Variants in PABPC5 observed in about 807,000 individuals in gnomAD.
PABPC5 encodes the protein poly(A) binding protein cytoplasmic 5.
Under a neutral mutation model 12.6 loss-of-function variants are expected in PABPC5, and 6 were observed. The observed-to-expected ratio is 0.48, with a 90% CI of 0.26 to 0.94. The LOEUF (loss-of-function observed/expected upper bound fraction) is 0.94, where lower values mean the gene tolerates loss of function less well. Ranked by LOEUF, PABPC5 falls within the 40% of genes least tolerant of loss-of-function variation. The probability of loss-of-function intolerance (pLI) is 0.14; values close to 1 mark genes in which losing one functional copy is unlikely to be tolerated. For missense variants in PABPC5, 244 were observed against 302.8 expected, an observed-to-expected ratio of 0.81 and a Z score of 1.44; for synonymous variants, 124 against 118.4, an observed-to-expected ratio of 1.05 and a Z score of -0.31.
chrX:91,436,839 C>T lies in PABPC5; in HGVS notation c.*113C>T. On this transcript the variant is annotated 3_prime_UTR_variant, in exon 2 of 2. Coordinates refer to ENST00000312600, the MANE Select transcript of PABPC5 (RefSeq NM_080832.3). Reference sequence around the variant, plus strand: ...CACAAGTTTTTTTTTGAAGTGAATTCTTTTGAAAAAAAAATGCAAAACTAG... The same window carrying T: ...CACAAGTTTTTTTTTGAAGTGAATTTTTTTGAAAAAAAAATGCAAAACTAG... 1.5e-6 allele frequency: 1 copy of T among 660,785 alleles called. No individual in the cohort carries two copies. The highest frequency in any genetic ancestry group is 4.7e-5 in the Admixed American group (1 of 21,229). The allele number at this position is 660,785 out of a possible 1,213,427, so 54.5% of individuals were successfully genotyped here. A position where few individuals can be genotyped will look rare whatever the true frequency, so the allele number is the denominator to read the frequency against.
rs751021259 is a variant in PABPC5, at chrX:91,435,748, C to A, written c.171C>A (p.Ser57Arg). The change falls in exon 2 of 2, where the codon AGC (serine) becomes AGA (arginine). Residue 57 changes from serine (S) to arginine (R), a missense_variant. Ser to Arg is a moderately radical substitution (Grantham distance 110). Coordinates refer to ENST00000312600, the MANE Select transcript of PABPC5 (RefSeq NM_080832.3). The part of the protein sequence containing the change: ...TRICRDPVTR[S>R]PLGYGYVNFR... ...TCTGCCGTGATCCGGTGACCCGCAG[C>A]CCCCTGGGCTATGGGTATGTTAACT... 3.3e-6 allele frequency: 4 copies of A among 1,209,541 alleles called. No individual in the cohort carries two copies. The Admixed American group carries it at 6.6e-5, about 20-fold the overall frequency.
At position 91,436,857 on chromosome X, in the gene PABPC5, A is replaced by G; in HGVS notation, c.*131A>G. The G allele has an allele frequency of 1.8e-6, 1 of 554,923 alleles. No homozygotes were observed. The highest frequency in any genetic ancestry group is 3.8e-5 in the East Asian group (1 of 26,656). 45.7% of individuals were successfully genotyped at this position (554,923 alleles called of 1,213,427 possible). On this transcript the variant is annotated 3_prime_UTR_variant, in exon 2 of 2. Coordinates refer to ENST00000312600, the MANE Select transcript of PABPC5 (RefSeq NM_080832.3). ...GTGAATTCTTTTGAAAAAAAAATGCAAAACTAGAAAACTTTATTCATTTTA... is the reference window on the plus strand; with the variant it reads ...GTGAATTCTTTTGAAAAAAAAATGCGAAACTAGAAAACTTTATTCATTTTA...
intron 1 of PABPC5, among the ~76,000 whole-genome samples, chrX:91,435,168 C>T (rs1040427696): frequency 2.7e-5 from 3 of 111,644 alleles, no homozygotes; most frequent in Non-Finnish European, 5.6e-5. Flanking sequence ...AGCTCTAGGC[C>T]TATATTTATG....
rs1174666620 is a variant in PABPC5, at chrX:91,437,048, TA to T, written c.*323del. 4 of 209,341 alleles carry T rather than the reference TA, an allele frequency of 1.9e-5. No individual in the cohort carries two copies. Among genetic ancestry groups the T allele is most frequent in the Non-Finnish European group, 3.6e-5 (4 of 110,341 alleles). 17.3% of individuals were successfully genotyped at this position (209,341 alleles called of 1,213,427 possible). ...TTCCCTTCTTATTTCAGTAATACTC[TA>T]TTTTTTTTCATGAAAATGTCAACAT... On this transcript the variant is annotated 3_prime_UTR_variant, in exon 2 of 2. Coordinates refer to ENST00000312600, the MANE Select transcript of PABPC5 (RefSeq NM_080832.3).
Position 91,436,444 on chromosome X carries a change from ACGGCTGAGGTTAAAAGAAAAAAGT to A in PABPC5, c.872_895del (p.Leu291_Arg298del). 2.5e-6 allele frequency: 3 copies of A among 1,211,712 alleles called. No homozygotes were observed. The highest frequency in any genetic ancestry group is 1.1e-6 in the Non-Finnish European group (1 of 895,521). On this transcript the variant is annotated inframe_deletion, in exon 2 of 2. Coordinates refer to ENST00000312600, the MANE Select transcript of PABPC5 (RefSeq NM_080832.3). ...TGGCTGAGTTGAGGCGGAGATTTGA[ACGGCTGAGGTTAAAAGAAAAAAGT>A]CGGCCCCCAGGGGTGCCTATCTATA...
chrX:91,436,123 C>G lies in PABPC5; in HGVS notation c.546C>G (p.Phe182Leu). The change falls in exon 2 of 2, where the codon TTC becomes TTG. Residue 182 changes from phenylalanine to leucine, a missense_variant. Physicochemically the swap from Phe to Leu is conservative, Grantham distance 22. Coordinates refer to ENST00000312600, the MANE Select transcript of PABPC5 (RefSeq NM_080832.3). ...AGGTGTATGTTGGCAGATTCAAATTCCCAGAAGAGCGGGCGGCTGAGGTCA... is the reference window on the plus strand; with the variant it reads ...AGGTGTATGTTGGCAGATTCAAATTGCCAGAAGAGCGGGCGGCTGAGGTCA... ...NRQVYVGRFK[F>L]PEERAAEVRT... 1 of 1,211,488 alleles carries G rather than the reference C, an allele frequency of 8.3e-7. No individual in the cohort carries two copies. Among genetic ancestry groups the G allele is most frequent in the Non-Finnish European group, 1.1e-6 (1 of 895,486 alleles).
At position 91,436,566 on chromosome X, in the gene PABPC5, G is replaced by T; in HGVS notation, c.989G>T (p.Arg330Leu). The change falls in exon 2 of 2, where the codon CGG (arginine) becomes CTG (leucine). Residue 330 changes from arginine (R) to leucine (L), a missense_variant. Coordinates refer to ENST00000312600, the MANE Select transcript of PABPC5 (RefSeq NM_080832.3). ...EEFSSFGSIS[R>L]AKVMMEVGQG... is the part of the protein sequence containing the mutation. Reference sequence around the variant, plus strand: ...TTTTCTTCCTTTGGGTCAATTAGTCGGGCCAAAGTGATGATGGAAGTGGGG... The same window carrying T: ...TTTTCTTCCTTTGGGTCAATTAGTCTGGCCAAAGTGATGATGGAAGTGGGG... 2 of 1,211,712 alleles carry T rather than the reference G, an allele frequency of 1.7e-6. No homozygotes were observed. Among genetic ancestry groups the T allele is most frequent in the Non-Finnish European group, 2.2e-6 (2 of 895,487 alleles).
Position 91,437,969 on chromosome X carries a change from T to A in PABPC5, c.*1243T>A, listed in dbSNP as rs1244956385. ...TGTTCTCCTCATTGCCTGCCTTCCA[T>A]TCATATTACACTTATTTTTCTATTT... is the stretch of plus-strand genomic sequence containing the variant. On this transcript the variant is annotated 3_prime_UTR_variant, in exon 2 of 2. Transcript: ENST00000312600. 1 of 123,108 alleles carries A rather than the reference T, an allele frequency of 8.1e-6. No homozygotes were observed. 10.1% of individuals were successfully genotyped at this position (123,108 alleles called of 1,213,427 possible).
chrX:91,436,999 G>A lies in PABPC5; in HGVS notation c.*273G>A, dbSNP rs190761564. The stretch of plus-strand genomic sequence containing the variant: ...CCACTTTTTTTTCCTGAACAGTCAA[G>A]GTGAGGCAATTGATTGAGTATATTT... On this transcript the variant is annotated 3_prime_UTR_variant, in exon 2 of 2. Transcript: ENST00000312600. 6.7e-4 allele frequency: 202 copies of A among 302,231 alleles called. No individual in the cohort carries two copies. The highest frequency in any genetic ancestry group is 5.3e-3 in the African/African-American group (192 of 35,897). 24.9% of individuals were successfully genotyped at this position (302,231 alleles called of 1,213,427 possible).
rs1008589667 is a variant in PABPC5 at position 91,438,261 on chromosome X, T to C, written c.*1535T>C. On this transcript the variant is annotated 3_prime_UTR_variant, in exon 2 of 2. Transcript: ENST00000312600. ...ACCATAAAATAATGACAATAAGCTG[T>C]TTCTATGTATTTGTTTATCTACAAA... 4 of 122,687 alleles carry C rather than the reference T, an allele frequency of 3.3e-5. No individual in the cohort carries two copies. The Admixed American group carries it at 3.8e-4, about 12-fold the overall frequency. The allele number at this position is 122,687 out of a possible 1,213,427, so 10.1% of individuals were successfully genotyped here. A position where few individuals can be genotyped will look rare whatever the true frequency, so the allele number is the denominator to read the frequency against.
In PABPC5 at chrX:91,436,208, G is replaced by A; in HGVS notation, c.631G>A (p.Asp211Asn). 8.3e-7 allele frequency: 1 copy of A among 1,211,684 alleles called. No individual in the cohort carries two copies. The highest frequency in any genetic ancestry group is 1.1e-6 in the Non-Finnish European group (1 of 895,566). Residue 211 changes from aspartate (D) to asparagine (N), a missense_variant, in exon 2 of 2, where the codon GAT becomes AAT. Physicochemically the swap from Asp to Asn is conservative, Grantham distance 23 (BLOSUM62 1). Transcript: ENST00000312600. ...VFVKNIGDDIDDEKLKELFCE... is the reference protein window; with the variant it reads ...VFVKNIGDDINDEKLKELFCE... ...CGTTAAAAACATTGGAGACGACATA[G>A]ATGACGAAAAACTGAAGGAACTTTT...
Position 91,436,264 on chromosome X carries a change from A to C in PABPC5, c.687A>C (p.Lys229Asn). ...AATATGGGCCAACTGAGAGTGTTAA[A>C]GTAATAAGAGATGCCAGTGGGAAAT... The part of the protein sequence containing the change: ...FCEYGPTESV[K>N]VIRDASGKSK... The change falls in exon 2 of 2, where the codon AAA (lysine) becomes AAC (asparagine). Residue 229 changes from lysine to asparagine, a missense_variant. Coordinates refer to ENST00000312600, the MANE Select transcript of PABPC5 (RefSeq NM_080832.3). The C allele has an allele frequency of 1.7e-6, 2 of 1,211,752 alleles. No homozygotes were observed. Among genetic ancestry groups the C allele is most frequent in the Non-Finnish European group, 2.2e-6 (2 of 895,468 alleles).
Position 91,437,073 on chromosome X carries a change from A to C in PABPC5, c.*347A>C. ...TATTTTTTTTCATGAAAATGTCAAC[A>C]TGGTTCTTCTGAATCTATCACAGTG... On this transcript the variant is annotated 3_prime_UTR_variant, in exon 2 of 2. Transcript: ENST00000312600. 1 of 178,354 alleles carries C rather than the reference A, an allele frequency of 5.6e-6. No individual in the cohort carries two copies. The allele number at this position is 178,354 out of a possible 1,213,427, so 14.7% of individuals were successfully genotyped here. A position where few individuals can be genotyped will look rare whatever the true frequency, so the allele number is the denominator to read the frequency against.
At position 91,437,571 on chromosome X, in the gene PABPC5, T is replaced by C. The variant is rs1276451271; in HGVS notation, c.*845T>C. The C allele has an allele frequency of 8.1e-6, 1 of 123,558 alleles. No individual in the cohort carries two copies. The highest frequency in any genetic ancestry group is 1.9e-5 in the Non-Finnish European group (1 of 53,233). The allele number at this position is 123,558 out of a possible 1,213,427, so 10.2% of individuals were successfully genotyped here. On this transcript the variant is annotated 3_prime_UTR_variant, in exon 2 of 2. Coordinates refer to ENST00000312600, the MANE Select transcript of PABPC5 (RefSeq NM_080832.3). ...AGATGAATAACTGCGCTGAATTGCC[T>C]TTACCTATAAATAATTTAATATTTT...
At position 91,435,822 on chromosome X, in the gene PABPC5, A is replaced by T; in HGVS notation, c.245A>T (p.Asp82Val). ...TGGGCCTTGAACACCATGAATTTTG[A>T]TTTGATTAATGGAAAACCATTCCGC... Reference protein sequence around the residue: ...AEWALNTMNFDLINGKPFRLM... With the variant: ...AEWALNTMNFVLINGKPFRLM... The change falls in exon 2 of 2, where the codon GAT becomes GTT. Residue 82 changes from aspartate (D) to valine (V), a missense_variant. Asp to Val is a radical substitution (Grantham distance 152). Coordinates refer to ENST00000312600, the MANE Select transcript of PABPC5 (RefSeq NM_080832.3). 1 of 1,211,485 alleles carries T rather than the reference A, an allele frequency of 8.3e-7. No homozygotes were observed.
In PABPC5 at chrX:91,436,420, G is replaced by C. The variant is rs1436011411; in HGVS notation, c.843G>C (p.Leu281=). The C allele has an allele frequency of 2.5e-6, 3 of 1,209,915 alleles. No homozygotes were observed. Among genetic ancestry groups the C allele is most frequent in the African/African-American group, 1.8e-5 (1 of 57,075 alleles). The change falls in exon 2 of 2, where the codon CTG becomes CTC. Residue 281 remains leucine (L), a synonymous_variant. Transcript: ENST00000312600. ...GAGCACAGAAGAAAATTGAACGCCT[G>C]GCTGAGTTGAGGCGGAGATTTGAAC... ...VGRAQKKIER[L]AELRRRFERL...
Position 91,435,906 on chromosome X carries a change from T to C in PABPC5, c.329T>C (p.Ile110Thr). 8.3e-7 allele frequency: 1 copy of C among 1,211,585 alleles called. No individual in the cohort carries two copies. Among genetic ancestry groups the C allele is most frequent in the Non-Finnish European group, 1.1e-6 (1 of 895,138 alleles). The change falls in exon 2 of 2, where the codon ATC (isoleucine) becomes ACC (threonine). Residue 110 changes from isoleucine to threonine, a missense_variant. By Grantham distance (89) the Ile-to-Thr change is moderately conservative. Coordinates refer to ENST00000312600, the MANE Select transcript of PABPC5 (RefSeq NM_080832.3). ...LRKSGVGNIF[I>T]KNLDKSIDNR... The stretch of plus-strand genomic sequence containing the variant: ...AAGTCTGGAGTGGGAAATATATTCA[T>C]CAAAAACCTGGACAAATCCATAGAC...
chrX:91,436,137 C>A lies in PABPC5; in HGVS notation c.560C>A (p.Ala187Glu), dbSNP rs779221642. The change falls in exon 2 of 2, where the codon GCG becomes GAG. Residue 187 changes from alanine to glutamate, a missense_variant. Ala to Glu is a moderately radical substitution (Grantham distance 107). Transcript: ENST00000312600. Reference sequence around the variant, plus strand: ...AGATTCAAATTCCCAGAAGAGCGGGCGGCTGAGGTCAGAACCAGGGATAGA... The same window carrying A: ...AGATTCAAATTCCCAGAAGAGCGGGAGGCTGAGGTCAGAACCAGGGATAGA... ...VGRFKFPEER[A>E]AEVRTRDRAT... 5.8e-6 allele frequency: 7 copies of A among 1,209,520 alleles called. No individual in the cohort carries two copies. The highest frequency in any genetic ancestry group is 6.7e-6 in the Non-Finnish European group (6 of 895,118).
rs1472267730 is a variant in PABPC5 at position 91,436,447 on chromosome X, G to A, written c.870G>A (p.Arg290=). 1.9e-5 allele frequency: 23 copies of A among 1,209,990 alleles called. No individual in the cohort carries two copies. Among genetic ancestry groups the A allele is most frequent in the Non-Finnish European group, 2.5e-5 (22 of 895,291 alleles). The part of the protein sequence containing the change: ...RLAELRRRFE[R]LRLKEKSRPP... ...CTGAGTTGAGGCGGAGATTTGAACG[G>A]CTGAGGTTAAAAGAAAAAAGTCGGC... Residue 290 remains arginine (R), a synonymous_variant, in exon 2 of 2, where the codon CGG becomes CGA. Transcript: ENST00000312600.
Sources: allele counts gnomAD v4.1 joint callset (sites outside exome capture counted in the v4.1 genomes callset), GRCh38; gene constraint gnomAD v4.1.1; transcripts MANE v1.5; gene names NCBI Gene and HGNC (gene_info 2026-07-23, HGNC 2026-07-21).